The following NPSR1 variants were observed in gnomAD, a reference collection of about 807,000 sequenced individuals.
NPSR1 encodes neuropeptide S receptor.
NPSR1 carries 48 observed loss-of-function variants against 46.9 expected under a neutral mutation model. That is an observed-to-expected ratio of 1.02 (90% CI 0.81 to 1.30). The LOEUF (loss-of-function observed/expected upper bound fraction) is 1.30, where lower values mean the gene tolerates loss of function less well. Among genes scored for constraint, NPSR1 ranks in the 50% most tolerant of loss-of-function variants. The probability of loss-of-function intolerance (pLI) is 0.00; values close to 1 mark genes in which losing one functional copy is unlikely to be tolerated. For missense variants in NPSR1, 450 were observed against 449.5 expected (o/e 1.00, Z -0.01); for synonymous variants, 176 against 168.1 (o/e 1.05, Z -0.36).
chr7:34,660,629 G>A (rs755724040), intron 1 of NPSR1, among the ~76,000 whole-genome samples: 24 of 152,104 alleles, frequency 1.6e-4, no homozygotes, highest in Non-Finnish European at 3.4e-4. Flanking sequence ...AGAAATAACA[G>A]CAACAACCAT....
chr7:34,708,681 T>G (rs1036746456), intron 2 of NPSR1, among the ~76,000 whole-genome samples: 1 of 152,234 alleles, frequency 6.6e-6, no homozygotes, highest in African/African-American at 2.4e-5. Flanking sequence ...AGAAGATGCC[T>G]CTGCCCAAGT....
At chr7:34,668,004 A>G (rs571722190) in intron 1 of NPSR1, among the ~76,000 whole-genome samples, 1 of 152,112 alleles carries the variant, frequency 6.6e-6, no homozygotes, top group African/African-American at 2.4e-5. Context: ...GGGGGTTAAT[A>G]TTAATGTAAA....
intron 1 of NPSR1, among the ~76,000 whole-genome samples, chr7:34,673,535 G>A (rs755096269): frequency 7.9e-5 from 12 of 152,066 alleles, no homozygotes; most frequent in African/African-American, 1.4e-4. Flanking sequence ...TGGAACAATC[G>A]TGGTCCACAG....
At chr7:34,838,881 A>G (rs928540231) in intron 6 of NPSR1, among the ~76,000 whole-genome samples, 1 of 152,226 alleles carries the variant, frequency 6.6e-6, no homozygotes, top group African/African-American at 2.4e-5. Flanking sequence ...CATTTACTGC[A>G]TGGGCAAGTG....
intron 3 of NPSR1, among the ~76,000 whole-genome samples, chr7:34,809,486 C>T (rs1397664648): frequency 1.8e-5 from 2 of 113,820 alleles, no homozygotes; most frequent in African/African-American, 3.5e-5. Context: ...TTTTTTGAGA[C>T]GGAGTCTCGC....
exon 9 of NPSR1, chr7:34,878,229 T>C: frequency 9.0e-7 from 1 of 1,107,410 alleles, no homozygotes. Context: ...CTGGTGCCAC[T>C]TCTCACTGCT....
intron 1 of NPSR1, among the ~76,000 whole-genome samples, chr7:34,684,191 C>G (rs1792801869): frequency 6.6e-6 from 1 of 152,154 alleles, no homozygotes; most frequent in African/African-American, 2.4e-5. Context: ...ATTTACTTAG[C>G]TACCCTATTA....
intron 2 of NPSR1, chr7:34,753,767 T>G (rs1583951016): frequency 6.6e-6 from 1 of 151,980 alleles, no homozygotes; most frequent in Admixed American, 6.6e-5. Context: ...TTTGGGAGGC[T>G]GGGGAAGGAG....
At chr7:34,680,797 A>G (rs977568660) in intron 1 of NPSR1, among the ~76,000 whole-genome samples, 1 of 152,200 alleles carries the variant, frequency 6.6e-6, no homozygotes, top group East Asian at 1.9e-4. Context: ...AAGCTGGAAA[A>G]CAGGCAGCAC....
At chr7:34,697,823 T>C (rs1427269123) in intron 2 of NPSR1, among the ~76,000 whole-genome samples, 1 of 151,978 alleles carries the variant, frequency 6.6e-6, no homozygotes, top group Non-Finnish European at 1.5e-5. Flanking sequence ...AATATTAGAA[T>C]TATTAGAACA....
intron 2 of NPSR1, chr7:34,753,577 GAC>G (rs770683899): frequency 3.9e-5 from 6 of 152,004 alleles, no homozygotes; most frequent in Admixed American, 2.0e-4. Flanking sequence ...AGGAGCAGGT[GAC>G]CACTAGATTG....
intron 2 of NPSR1, among the ~76,000 whole-genome samples, chr7:34,744,772 A>G (rs1272230873): frequency 6.6e-6 from 1 of 152,186 alleles, no homozygotes; most frequent in Non-Finnish European, 1.5e-5. Context: ...AAGGGTATGT[A>G]TTATTTAAAA....
At chr7:34,751,059 T>C in intron 2 of NPSR1, 1 of 780,758 alleles carries the variant, frequency 1.3e-6, no homozygotes, top group Non-Finnish European at 2.4e-6. Flanking sequence ...CATGGCCATC[T>C]CACTCACCTG....
chr7:34,829,226 T>C (rs1395009774), intron 5 of NPSR1, among the ~76,000 whole-genome samples: 2 of 152,132 alleles, frequency 1.3e-5, no homozygotes, highest in African/African-American at 4.8e-5. Context: ...TCATCAGAGA[T>C]TGAGATGGGC....
chr7:34,708,557 GAC>G (rs1554311512), intron 2 of NPSR1, among the ~76,000 whole-genome samples: 2 of 152,144 alleles, frequency 1.3e-5, no homozygotes, highest in Non-Finnish European at 2.9e-5. Flanking sequence ...GAGGGAAAAC[GAC>G]AGAGTCCCAA....
At chr7:34,730,846 G>A (rs1173658811) in intron 2 of NPSR1, among the ~76,000 whole-genome samples, 3 of 152,070 alleles carry the variant, frequency 2.0e-5, no homozygotes, top group African/African-American at 7.2e-5. Context: ...CATCCTTGTT[G>A]ACTGCATTTT....
chr7:34,845,944 C>T (rs778569687), intron 7 of NPSR1, among the ~76,000 whole-genome samples: 2 of 152,058 alleles, frequency 1.3e-5, no homozygotes, highest in African/African-American at 2.4e-5. Context: ...TATAGATCTC[C>T]CATTAGCTGC....
At chr7:34,742,514 T>C (rs113692940) in intron 2 of NPSR1, among the ~76,000 whole-genome samples, 3,464 of 152,306 alleles carry the variant, frequency 0.023, 122 homozygotes, top group African/African-American at 0.079. Context: ...CTTTTTATGA[T>C]TGCATAGTAT....
At chr7:34,711,976 C>T (rs1783310218) in intron 2 of NPSR1, among the ~76,000 whole-genome samples, 1 of 152,220 alleles carries the variant, frequency 6.6e-6, no homozygotes, top group South Asian at 2.1e-4. Context: ...ACCCAGGTAT[C>T]CCCATTATTT....
Sources: gnomAD v4.1 joint callset for allele counts (sites outside exome capture counted in the v4.1 genomes callset) on GRCh38, gnomAD v4.1.1 for gene constraint, MANE v1.5 for transcripts, NCBI Gene and HGNC (gene_info 2026-07-23, HGNC 2026-07-21) for gene names.